MIGA1: variants seen among roughly 807,000 people sequenced by gnomAD.
The protein encoded by MIGA1 is mitoguardin 1.
A neutral mutation model predicts 82.0 loss-of-function variants in MIGA1; 58 were observed. The observed-to-expected ratio is 0.71, with a 90% CI of 0.57 to 0.88. MIGA1 has a LOEUF of 0.88. MIGA1 is among the 40% of genes least tolerant of loss of function. The pLI, the probability that MIGA1 is intolerant of heterozygous loss-of-function variation, is 0.00. For synonymous variants in MIGA1, 249 were observed against 253.6 expected, an observed-to-expected ratio of 0.98 and a Z score of 0.17; for missense variants, 751 against 749.1, an observed-to-expected ratio of 1.00 and a Z score of -0.03.
intron 7 of MIGA1, among the ~76,000 whole-genome samples, chr1:77,831,296 A>G (rs1005141752): frequency 6.6e-6 from 1 of 152,246 alleles, no homozygotes; most frequent in African/African-American, 2.4e-5. Context: ...TCTGCATGAT[A>G]GTGTTACTTT....
At chr1:77,791,242 T>A (rs1184684652) in intron 2 of MIGA1, among the ~76,000 whole-genome samples, 2 of 108,322 alleles carry the variant, frequency 1.8e-5, no homozygotes, top group African/African-American at 8.7e-5. Flanking sequence ...ACCCTGTCTC[T>A]TAAAAAAAAA....
intron 8 of MIGA1, among the ~76,000 whole-genome samples, chr1:77,851,215 A>G (rs1431229559): frequency 6.6e-6 from 1 of 152,202 alleles, no homozygotes; most frequent in African/African-American, 2.4e-5. Flanking sequence ...CTTCTGAAAT[A>G]TGGGAAATAA....
intron 8 of MIGA1, chr1:77,848,542 TC>T: frequency 1.5e-6 from 2 of 1,298,236 alleles, no homozygotes; most frequent in African/African-American, 1.5e-5. Context: ...CCAAGAAAGA[TC>T]CAACAAAATG....
At position 77,868,930 on chromosome 1, in the gene MIGA1, T is replaced by A. The variant is rs182779844; in HGVS notation, c.1563+2539T>A. ...AACTAGCACATTTTCTTTTTTTTTTTAATTTATTTATTTTTTTTTTTTATT... is the reference window on the plus strand; with the variant it reads ...AACTAGCACATTTTCTTTTTTTTTTAAATTTATTTATTTTTTTTTTTTATT... On this transcript the variant is annotated intron_variant, in intron 14 of 15. Transcript: ENST00000370791. Among the ~76,000 whole-genome samples the A allele has an allele frequency of 3.1e-3, 463 of 149,996 alleles. 1 individual carries two copies. Among genetic ancestry groups the A allele is most frequent in the African/African-American group, 8.3e-3 (329 of 39,752 alleles).
intron 7 of MIGA1, among the ~76,000 whole-genome samples, chr1:77,842,120 T>C (rs1317886508): frequency 6.6e-6 from 1 of 152,144 alleles, no homozygotes; most frequent in Non-Finnish European, 1.5e-5. Context: ...TCTGACAAAT[T>C]TGGCAGATTC....
intron 8 of MIGA1, among the ~76,000 whole-genome samples, chr1:77,844,696 G>T (rs1163338539): frequency 6.6e-6 from 1 of 152,110 alleles, no homozygotes; most frequent in Admixed American, 6.5e-5. Flanking sequence ...TTATGCATCT[G>T]GCCAGGCACA....
At chr1:77,866,517 G>T in intron 14 of MIGA1, 126 bp downstream of exon 14, 1 of 825,960 alleles carries the variant, frequency 1.2e-6, no homozygotes, top group Non-Finnish European at 2.0e-6. Context: ...TGTCCCTCAG[G>T]CTAGATGAGT....
chr1:77,781,219 A>C (rs1681902309), intron 1 of MIGA1, among the ~76,000 whole-genome samples: 1 of 152,164 alleles, frequency 6.6e-6, no homozygotes, highest in South Asian at 2.1e-4. Flanking sequence ...GAGGTTTGTC[A>C]TAATCTTTTA....
chr1:77,852,559 A>T (rs1685093966), intron 8 of MIGA1, among the ~76,000 whole-genome samples: 1 of 152,068 alleles, frequency 6.6e-6, no homozygotes, highest in South Asian at 2.1e-4. Flanking sequence ...GGCTGATAGG[A>T]AGGGTATAAT....
intron 5 of MIGA1, among the ~76,000 whole-genome samples, chr1:77,807,976 C>T (rs1291577446): frequency 1.3e-5 from 2 of 151,810 alleles, no homozygotes; most frequent in African/African-American, 2.4e-5. Context: ...GCATCACCAC[C>T]CCTGGCTAAT....
At chr1:77,783,577 A>G (rs1398274102) in intron 2 of MIGA1, among the ~76,000 whole-genome samples, 4 of 152,276 alleles carry the variant, frequency 2.6e-5, no homozygotes, top group Middle Eastern at 3.4e-3. Context: ...TTTCTGTCTT[A>G]AGCAAACTTA....
chr1:77,841,639 G>C (rs2101885855), intron 7 of MIGA1, among the ~76,000 whole-genome samples: 1 of 151,378 alleles, frequency 6.6e-6, no homozygotes, highest in East Asian at 1.9e-4. Flanking sequence ...GTTTTAAACA[G>C]AATTTAACAG....
intron 10 of MIGA1, 132 bp downstream of exon 10, chr1:77,859,518 A>G: frequency 1.6e-6 from 1 of 629,126 alleles, no homozygotes; most frequent in Non-Finnish European, 2.8e-6. Context: ...TATAAAGTCC[A>G]CTAAACTTAT....
At chr1:77,808,201 A>G (rs1016407979) in intron 5 of MIGA1, among the ~76,000 whole-genome samples, 8 of 148,942 alleles carry the variant, frequency 5.4e-5, no homozygotes, top group Admixed American at 3.4e-4. Context: ...TTAGTTACAT[A>G]TGTATACATG....
intron 2 of MIGA1, among the ~76,000 whole-genome samples, chr1:77,785,278 A>G (rs970858792): frequency 1.3e-5 from 2 of 152,182 alleles, no homozygotes; most frequent in African/African-American, 4.8e-5. Context: ...TCCGAATGGG[A>G]AAAATTGGCC....
chr1:77,783,389 C>A, intron 2 of MIGA1, 38 bp downstream of exon 2: 1 of 1,221,728 alleles, frequency 8.2e-7, no homozygotes, highest in Non-Finnish European at 1.2e-6. Context: ...GAATATTAAG[C>A]TTATTGCTCA....
At chr1:77,824,071 T>G (rs1683939598) in intron 7 of MIGA1, among the ~76,000 whole-genome samples, 1 of 152,184 alleles carries the variant, frequency 6.6e-6, no homozygotes, top group Non-Finnish European at 1.5e-5. Flanking sequence ...TGATAAATAC[T>G]GAAAAGAAGA....
intron 5 of MIGA1, chr1:77,811,461 T>A (rs1304874073): frequency 1.3e-6 from 2 of 1,542,784 alleles, no homozygotes; most frequent in East Asian, 4.5e-5. Flanking sequence ...CAAATGGGAA[T>A]TCTTTATTAT....
At chr1:77,785,543 A>G (rs1470385130) in intron 2 of MIGA1, among the ~76,000 whole-genome samples, 3 of 152,158 alleles carry the variant, frequency 2.0e-5, no homozygotes, top group Non-Finnish European at 2.9e-5. Flanking sequence ...GGGTTTCTCC[A>G]TGTTGGTCAG....
Sources: gnomAD v4.1 joint callset for allele counts (sites outside exome capture counted in the v4.1 genomes callset) on GRCh38, gnomAD v4.1.1 for gene constraint, MANE v1.5 for transcripts, NCBI Gene and HGNC (gene_info 2026-07-23, HGNC 2026-07-21) for gene names.